TDRD12: variants seen among roughly 807,000 people sequenced by gnomAD.
TDRD12 encodes the protein tudor domain containing 12, also known as putative ATP-dependent RNA helicase TDRD12.
TDRD12 carries 158 observed loss-of-function variants against 133.5 expected under a neutral mutation model. The ratio of observed to expected loss-of-function variants is 1.18; its 90% CI spans 1.04 to 1.35. The LOEUF (loss-of-function observed/expected upper bound fraction) is 1.35, where lower values mean the gene tolerates loss of function less well. Ranked by LOEUF, TDRD12 falls within the 40% of genes most tolerant of loss-of-function variation. The probability of loss-of-function intolerance (pLI) is 0.00; values close to 1 mark genes in which losing one functional copy is unlikely to be tolerated. For synonymous variants in TDRD12, 460 were observed against 477.9 expected, an observed-to-expected ratio of 0.96 and a Z score of 0.49; for missense variants, 1,443 against 1,321.3, an observed-to-expected ratio of 1.09 and a Z score of -1.43.
chr19:32,768,520 A>G (rs981394976), intron 8 of TDRD12, among the ~76,000 whole-genome samples: 1 of 151,754 alleles, frequency 6.6e-6, no homozygotes, highest in Middle Eastern at 3.4e-3. Context: ...TCACACCACC[A>G]TGCCTGGCTA....
At chr19:32,800,466 CAATT>C (rs1164393020) in intron 17 of TDRD12, 108 bp downstream of exon 17, 2 of 1,015,006 alleles carry the variant, frequency 2.0e-6, no homozygotes, top group Non-Finnish European at 2.7e-6. Flanking sequence ...TAGTATTAAA[CAATT>C]ACAGCTTTGA....
In TDRD12 at chr19:32,800,578, G is replaced by C. The variant is rs1443523162; in HGVS notation, c.1951-66G>C. 3.6e-6 allele frequency: 5 copies of C among 1,374,930 alleles called. No individual in the cohort carries two copies. The African/African-American group carries it at 7.3e-5, about 20-fold the overall frequency. 85.2% of individuals were successfully genotyped at this position (1,374,930 alleles called of 1,614,324 possible). A position where few individuals can be genotyped will look rare whatever the true frequency, so the allele number is the denominator to read the frequency against. On this transcript the variant is annotated intron_variant, in intron 17 of 27. Transcript: ENST00000444215. The stretch of plus-strand genomic sequence containing the variant: ...CTTTTCTATTAAAATCCCAACACCT[G>C]TGGAAAGTGGATCTGGAGCACCTAA...
intron 5 of TDRD12, among the ~76,000 whole-genome samples, chr19:32,749,172 G>A (rs951162661): frequency 6.6e-6 from 1 of 152,146 alleles, no homozygotes; most frequent in African/African-American, 2.4e-5. Context: ...TGACCTGGGA[G>A]CAGTGGGAGG....
intron 8 of TDRD12, among the ~76,000 whole-genome samples, chr19:32,767,375 C>T (rs995209852): frequency 2.0e-5 from 3 of 150,954 alleles, no homozygotes; most frequent in Admixed American, 1.3e-4. Flanking sequence ...ATGATCCACC[C>T]GACTCGGCCT....
chr19:32,798,527 G>A, intron 16 of TDRD12, 92 bp downstream of exon 16: 1 of 1,072,620 alleles, frequency 9.3e-7, no homozygotes, highest in Non-Finnish European at 1.3e-6. Flanking sequence ...TCTGGTTGGG[G>A]AATACATTGG....
chr19:32,751,869 ATTAT>A (rs954259222), intron 6 of TDRD12, among the ~76,000 whole-genome samples: 9 of 150,730 alleles, frequency 6.0e-5, no homozygotes, highest in African/African-American at 9.8e-5. Context: ...TTTAATTTTT[ATTAT>A]TTATTTATTT....
intron 6 of TDRD12, among the ~76,000 whole-genome samples, chr19:32,752,619 A>G (rs1969864803): frequency 6.6e-6 from 1 of 152,062 alleles, no homozygotes; most frequent in South Asian, 2.1e-4. Context: ...AACTATCATT[A>G]TTGCCTTGCT....
intron 24 of TDRD12, among the ~76,000 whole-genome samples, chr19:32,813,274 T>C (rs1967066824): frequency 6.6e-6 from 1 of 152,222 alleles, no homozygotes; most frequent in African/African-American, 2.4e-5. Flanking sequence ...GGCAGCTCCA[T>C]TGCAGTGACG....
chr19:32,820,732 C>T (rs546057937), intron 27 of TDRD12, among the ~76,000 whole-genome samples: 1 of 152,292 alleles, frequency 6.6e-6, no homozygotes, highest in South Asian at 2.1e-4. Context: ...ACTGGCTTGT[C>T]ACTTTCTGTC....
intron 11 of TDRD12, among the ~76,000 whole-genome samples, chr19:32,789,472 C>T (rs1165447927): frequency 6.6e-6 from 1 of 152,186 alleles, no homozygotes; most frequent in Admixed American, 6.5e-5. Context: ...TGCTTTCAGT[C>T]TCTATGGGTT....
intron 1 of TDRD12, among the ~76,000 whole-genome samples, chr19:32,724,154 C>T (rs767437917): frequency 1.1e-4 from 17 of 152,182 alleles, no homozygotes; most frequent in South Asian, 2.1e-4. Context: ...AGCCACCACT[C>T]CCAGCCTTTT....
chr19:32,801,455 G>C (rs906645734), intron 18 of TDRD12, among the ~76,000 whole-genome samples: 2 of 150,450 alleles, frequency 1.3e-5, no homozygotes, highest in Non-Finnish European at 2.9e-5. Context: ...TGATGTGTCT[G>C]TGTGTGTGTG....
At chr19:32,814,376 A>G (rs1377661879) in intron 25 of TDRD12, among the ~76,000 whole-genome samples, 1 of 152,128 alleles carries the variant, frequency 6.6e-6, no homozygotes, top group Non-Finnish European at 1.5e-5. Context: ...AAATCTTACT[A>G]TGAATACTTA....
In TDRD12 at chr19:32,794,092, C is replaced by CTTTT. The variant is rs751938374; in HGVS notation, c.1288-508_1288-505dup. On this transcript the variant is annotated intron_variant, in intron 13 of 27. Transcript: ENST00000444215. ...TACAGACATGAGCCACTGTGCCTGG[C>CTTTT]TTTTTTTTTTTTTTTTTTTTTTTTT... Among the ~76,000 whole-genome samples, 26 of 49,858 alleles carry CTTTT rather than the reference C, an allele frequency of 5.2e-4. 4 individuals are homozygous for CTTTT. The highest frequency in any genetic ancestry group is 1.6e-3 in the African/African-American group (18 of 11,024). 32.7% of individuals were successfully genotyped at this position (49,858 alleles called of 152,430 possible). A position where few individuals can be genotyped will look rare whatever the true frequency, so the allele number is the denominator to read the frequency against.
chr19:32,773,865 G>A (rs1004312750), intron 10 of TDRD12, among the ~76,000 whole-genome samples: 6 of 152,198 alleles, frequency 3.9e-5, no homozygotes, highest in Non-Finnish European at 5.9e-5. Flanking sequence ...TGTGACACCT[G>A]GTTGGCAGCA....
intron 11 of TDRD12, among the ~76,000 whole-genome samples, chr19:32,780,983 C>T (rs1439871913): frequency 6.9e-6 from 1 of 144,354 alleles, no homozygotes; most frequent in African/African-American, 2.6e-5. Flanking sequence ...CGCTCTGTTG[C>T]CCAGCCTGGA....
chr19:32,787,005 G>A (rs1049479634), intron 11 of TDRD12, among the ~76,000 whole-genome samples: 2 of 152,258 alleles, frequency 1.3e-5, no homozygotes, highest in South Asian at 4.1e-4. Flanking sequence ...GAGAAGAGAC[G>A]TTCTGGTTTT....
At chr19:32,744,498 T>TAAA in intron 4 of TDRD12, among the ~76,000 whole-genome samples, 1 of 11,768 alleles carries the variant, frequency 8.5e-5, no homozygotes, top group African/African-American at 3.7e-4. Flanking sequence ...AGACTCCGTC[T>TAAA]CAAAAAAAAA....
Position 32,777,107 on chromosome 19 carries a change from G to A in TDRD12, c.1041-42G>A, listed in dbSNP as rs576698906. 61 of 1,311,652 alleles carry A rather than the reference G, an allele frequency of 4.7e-5. No homozygotes were observed. In the African/African-American group the frequency reaches 8.8e-4, roughly 19 times the overall value. 81.3% of individuals were successfully genotyped at this position (1,311,652 alleles called of 1,614,324 possible). A position where few individuals can be genotyped will look rare whatever the true frequency, so the allele number is the denominator to read the frequency against. On this transcript the variant is annotated intron_variant, in intron 10 of 27. Coordinates refer to ENST00000444215, the Ensembl canonical transcript of TDRD12. The stretch of plus-strand genomic sequence containing the variant: ...GGGGACTCACTGTGTTGCCCAGGCT[G>A]CTGTTCACAAATTTTAATGAATTTT...
Sources: gnomAD v4.1 joint callset for allele counts (sites outside exome capture counted in the v4.1 genomes callset) on GRCh38, gnomAD v4.1.1 for gene constraint, MANE v1.5 for transcripts, NCBI Gene and HGNC (gene_info 2026-07-23, HGNC 2026-07-21) for gene names.